The following PLPPR4 variants were observed in gnomAD, a reference collection of about 807,000 sequenced individuals.
The protein encoded by PLPPR4 is phospholipid phosphatase-related protein type 4.
PLPPR4 carries 24 observed loss-of-function variants against 56.6 expected under a neutral mutation model. The ratio of observed to expected loss-of-function variants is 0.42; its 90% CI spans 0.31 to 0.60. The LOEUF (loss-of-function observed/expected upper bound fraction) is 0.60. Ranked by LOEUF, PLPPR4 falls within the 20% of genes least tolerant of loss-of-function variation. PLPPR4 has a pLI of 0.13. For missense variants in PLPPR4, 654 were observed against 885.8 expected, an observed-to-expected ratio of 0.74 and a Z score of 3.32; for synonymous variants, 326 against 328.1, an observed-to-expected ratio of 0.99 and a Z score of 0.07.
chr1:99,276,848 T>C (rs1053234217), intron 1 of PLPPR4, among the ~76,000 whole-genome samples: 66 of 152,212 alleles, frequency 4.3e-4, no homozygotes, highest in African/African-American at 1.5e-3. Context: ...AAGAAGAAGT[T>C]AGAACAAGCC....
chr1:99,283,221 G>A (rs1177425574), intron 1 of PLPPR4, among the ~76,000 whole-genome samples: 2 of 152,046 alleles, frequency 1.3e-5, no homozygotes, highest in African/African-American at 4.8e-5. Context: ...CAGTTCAAAA[G>A]GATGTTATAG....
rs1659817345 is a variant in PLPPR4, at chr1:99,299,044, T to G, written c.404T>G (p.Val135Gly). The G allele has an allele frequency of 6.2e-7, 1 of 1,612,796 alleles. No homozygotes were observed. Among genetic ancestry groups the G allele is most frequent in the Non-Finnish European group, 8.5e-7 (1 of 1,179,132 alleles). ...TTCATTTTGCCTATAGGTGTTCATG[T>G]ATTTGGATTATGCTCTACAGCTCTC... ...RRAVRFVGVHVFGLCSTALIT... is the reference protein window; with the variant it reads ...RRAVRFVGVHGFGLCSTALIT... The change falls in exon 4 of 7, where the codon GTA (valine) becomes GGA (glycine). Residue 135 changes from valine to glycine, a missense_variant. Val to Gly is a moderately radical substitution (Grantham distance 109). Around this residue, in one of 2 missense-constraint regions of PLPPR4, gnomAD observed 186 missense variants for 331.4 expected, o/e 0.56. Coordinates refer to ENST00000370185, the MANE Select transcript of PLPPR4 (RefSeq NM_014839.5).
At chr1:99,280,061 CAG>C (rs778156800) in intron 1 of PLPPR4, among the ~76,000 whole-genome samples, 14 of 152,112 alleles carry the variant, frequency 9.2e-5, no homozygotes, top group Non-Finnish European at 1.8e-4. Context: ...TTAAGAGAAA[CAG>C]AGTGGCGTTT....
intron 1 of PLPPR4, among the ~76,000 whole-genome samples, chr1:99,276,501 T>A (rs1190031768): frequency 6.6e-6 from 1 of 152,138 alleles, no homozygotes; most frequent in Non-Finnish European, 1.5e-5. Flanking sequence ...TGGTCTTTAA[T>A]TCAGTCATTC....
At chr1:99,295,004 T>C (rs1156467431) in intron 2 of PLPPR4, among the ~76,000 whole-genome samples, 3 of 152,236 alleles carry the variant, frequency 2.0e-5, no homozygotes, top group Non-Finnish European at 4.4e-5. Context: ...TTCTGTGTAA[T>C]TGTTGTACTA....
At chr1:99,274,158 TA>T (rs1216971406) in intron 1 of PLPPR4, among the ~76,000 whole-genome samples, 2 of 152,102 alleles carry the variant, frequency 1.3e-5, no homozygotes, top group South Asian at 4.2e-4. Flanking sequence ...CTATTAGATA[TA>T]TTTTTTTTTT....
chr1:99,286,961 C>T (rs1262008929), intron 1 of PLPPR4, among the ~76,000 whole-genome samples: 1 of 152,094 alleles, frequency 6.6e-6, no homozygotes, highest in African/African-American at 2.4e-5. Flanking sequence ...GCAGAATGTG[C>T]AGGTTTGTTA....
At chr1:99,295,365 A>AT (rs979764575) in intron 2 of PLPPR4, among the ~76,000 whole-genome samples, 53 of 152,190 alleles carry the variant, frequency 3.5e-4, no homozygotes, top group Non-Finnish European at 6.9e-4. Flanking sequence ...CTGTCATTAG[A>AT]TTTTTTAAAA....
intron 1 of PLPPR4, among the ~76,000 whole-genome samples, chr1:99,278,060 G>A (rs1659235760): frequency 6.6e-6 from 1 of 152,046 alleles, no homozygotes; most frequent in South Asian, 2.1e-4. Context: ...TTGTAGGGTA[G>A]CATTAACTAT....
chr1:99,290,053 A>C (rs774092481), intron 2 of PLPPR4, among the ~76,000 whole-genome samples: 2 of 152,204 alleles, frequency 1.3e-5, no homozygotes, highest in Non-Finnish European at 2.9e-5. Context: ...CCATTGTCTC[A>C]GTCCAAAAGC....
intron 2 of PLPPR4, among the ~76,000 whole-genome samples, chr1:99,294,619 C>A (rs1028389615): frequency 6.6e-6 from 1 of 151,492 alleles, no homozygotes; most frequent in Non-Finnish European, 1.5e-5. Flanking sequence ...TGGCTTGAAC[C>A]CAGGAGGCGG....
intron 1 of PLPPR4, among the ~76,000 whole-genome samples, chr1:99,283,434 T>G (rs1395193890): frequency 6.6e-6 from 1 of 152,234 alleles, no homozygotes; most frequent in African/African-American, 2.4e-5. Flanking sequence ...ATATATAATC[T>G]AGATTTGTCT....
intron 3 of PLPPR4, among the ~76,000 whole-genome samples, chr1:99,297,784 A>G (rs1570921577): frequency 6.6e-6 from 1 of 152,236 alleles, no homozygotes; most frequent in Non-Finnish European, 1.5e-5. Context: ...CAGCATCGCA[A>G]ACTCAGGCAA....
chr1:99,295,439 T>G (rs1235786927), intron 2 of PLPPR4, among the ~76,000 whole-genome samples: 1 of 152,208 alleles, frequency 6.6e-6, no homozygotes, highest in African/African-American at 2.4e-5. Context: ...CTGAGAGGTT[T>G]TCTATGGAAA....
At chr1:99,288,279 G>T in intron 2 of PLPPR4, 129 bp downstream of exon 2, 1 of 738,620 alleles carries the variant, frequency 1.4e-6, no homozygotes, top group Non-Finnish European at 2.2e-6. Context: ...ATGTCTTTGA[G>T]ATATATTGAC....
chr1:99,270,023 G>A (rs1173409199), intron 1 of PLPPR4, among the ~76,000 whole-genome samples: 1 of 151,176 alleles, frequency 6.6e-6, no homozygotes, highest in East Asian at 1.9e-4. Flanking sequence ...GTGTGTGTGT[G>A]TGTGTGTGTG....
chr1:99,272,484 T>G (rs1016549225), intron 1 of PLPPR4, among the ~76,000 whole-genome samples: 55 of 152,332 alleles, frequency 3.6e-4, no homozygotes, highest in African/African-American at 1.3e-3. Flanking sequence ...TAATTCTACA[T>G]GTGAACAAAT....
At chr1:99,300,539 GC>G (rs1459782775) in intron 4 of PLPPR4, among the ~76,000 whole-genome samples, 3 of 151,978 alleles carry the variant, frequency 2.0e-5, no homozygotes, top group Non-Finnish European at 4.4e-5. Flanking sequence ...AAAGTTTAAA[GC>G]TTTAAACCCC....
intron 1 of PLPPR4, among the ~76,000 whole-genome samples, chr1:99,270,231 G>T (rs766692597): frequency 1.3e-5 from 2 of 152,070 alleles, no homozygotes; most frequent in Non-Finnish European, 2.9e-5. Flanking sequence ...TCACCATGTT[G>T]CCCAAGCTGG....
Sources: gnomAD v4.1 joint callset for allele counts (sites outside exome capture counted in the v4.1 genomes callset) on GRCh38, gnomAD v4.1.1 for gene constraint, gnomAD v4.1.1 regional missense constraint, MANE v1.5 for transcripts, NCBI Gene and HGNC (gene_info 2026-07-23, HGNC 2026-07-21) for gene names.